The following PCYT1B variants were observed in gnomAD, a reference collection of about 807,000 sequenced individuals.
PCYT1B encodes the protein phosphate cytidylyltransferase 1B, choline, also known as choline-phosphate cytidylyltransferase B.
PCYT1B carries 10 observed loss-of-function variants against 26.4 expected under a neutral mutation model. The observed-to-expected ratio is 0.38, with a 90% CI of 0.23 to 0.64. The LOEUF is 0.64. Ranked by LOEUF, PCYT1B falls within the 30% of genes least tolerant of loss-of-function variation. PCYT1B has a pLI of 0.56. For missense variants in PCYT1B, 161 were observed against 292.7 expected, an observed-to-expected ratio of 0.55 and a Z score of 3.28; for synonymous variants, 131 against 108.4, an observed-to-expected ratio of 1.21 and a Z score of -1.29.
intron 1 of PCYT1B, among the ~76,000 whole-genome samples, chrX:24,666,729 A>T (rs1389561514): frequency 1.8e-5 from 2 of 111,040 alleles, no homozygotes; most frequent in African/African-American, 6.6e-5. Flanking sequence ...TGATATAAAA[A>T]ATATATTTCA....
At chrX:24,642,671 G>C (rs1926502807) in intron 1 of PCYT1B, among the ~76,000 whole-genome samples, 1 of 111,860 alleles carries the variant, frequency 8.9e-6, no homozygotes, top group Non-Finnish European at 1.9e-5. Flanking sequence ...AATAACCTTA[G>C]GCAGAATTCC....
chrX:24,617,379 T>TTG (rs200859622), intron 2 of PCYT1B, among the ~76,000 whole-genome samples: 1,941 of 106,410 alleles, frequency 0.018, 47 homozygotes, highest in African/African-American at 0.063. Flanking sequence ...TTGTTTTTTT[T>TTG]TTTGTTTGTT....
At chrX:24,647,358 G>C, upstream of PCYT1B, 1 of 840,947 alleles carries the variant, frequency 1.2e-6, no homozygotes. Flanking sequence ...GAAGCGGCTG[G>C]TGCGGGATAC....
chrX:24,648,391 A>G (rs1926691490), upstream of PCYT1B, among the ~76,000 whole-genome samples: 1 of 102,024 alleles, frequency 9.8e-6, no homozygotes, highest in African/African-American at 3.7e-5. Context: ...TGTTATCCTC[A>G]TTTTACAGGT....
Position 24,612,422 on chromosome X carries a change from C to T in PCYT1B, c.218-4561G>A, listed in dbSNP as rs1050840310. Reference sequence around the variant, plus strand: ...TTGTATCTAGAATATATAAAGAACTCTCAAACCTCAGTAAGATGAACAACC... The same window carrying T: ...TTGTATCTAGAATATATAAAGAACTTTCAAACCTCAGTAAGATGAACAACC... On this transcript the variant is annotated intron_variant, in intron 2 of 7. Transcript: ENST00000379144. Among the ~76,000 whole-genome samples, 4 of 111,947 alleles carry T rather than the reference C, an allele frequency of 3.6e-5. No individual in the cohort carries two copies. The South Asian group carries it at 1.5e-3, about 42-fold the overall frequency.
chrX:24,645,326 G>A (rs1275196563), intron 1 of PCYT1B, among the ~76,000 whole-genome samples: 1 of 109,972 alleles, frequency 9.1e-6, no homozygotes, highest in Non-Finnish European at 1.9e-5. Context: ...GGGTAAGCAT[G>A]GGCACAAATA....
chrX:24,589,906 G>T, intron 4 of PCYT1B, 117 bp downstream of exon 4: 1 of 595,479 alleles, frequency 1.7e-6, no homozygotes, highest in Non-Finnish European at 2.6e-6. Context: ...CCACATGACA[G>T]TTCCTGAAGT....
chrX:24,670,522 T>C (rs1272809969), intron 1 of PCYT1B, among the ~76,000 whole-genome samples: 1 of 112,123 alleles, frequency 8.9e-6, no homozygotes, highest in East Asian at 2.8e-4. Context: ...AAGTTGAGCC[T>C]GCCTGTGTGA....
intron 1 of PCYT1B, among the ~76,000 whole-genome samples, chrX:24,634,409 T>C (rs1012834714): frequency 1.8e-5 from 2 of 112,472 alleles, no homozygotes; most frequent in Non-Finnish European, 3.7e-5. Flanking sequence ...TTATATTATC[T>C]AGTTTTAACT....
chrX:24,616,254 A>ATTG (rs1569248437), intron 2 of PCYT1B, among the ~76,000 whole-genome samples: 1 of 53,098 alleles, frequency 1.9e-5, no homozygotes, highest in Non-Finnish European at 3.2e-5. Context: ...TTTTTTTTTA[A>ATTG]AAAAACAGAG....
At chrX:24,658,415 C>T (rs780958881) in intron 1 of PCYT1B, among the ~76,000 whole-genome samples, 1 of 108,934 alleles carries the variant, frequency 9.2e-6, no homozygotes, top group African/African-American at 3.3e-5. Flanking sequence ...GGACCAGGGT[C>T]AGAAGTCTGA....
chrX:24,591,454 T>C (rs1924563948), intron 3 of PCYT1B, among the ~76,000 whole-genome samples: 1 of 110,850 alleles, frequency 9.0e-6, no homozygotes, highest in Non-Finnish European at 1.9e-5. Context: ...GACAGAATCT[T>C]GTTCTGTCAC....
At chrX:24,582,273 T>C (rs1924231367) in intron 5 of PCYT1B, among the ~76,000 whole-genome samples, 1 of 112,383 alleles carries the variant, frequency 8.9e-6, no homozygotes. Context: ...TAGCAAGTCA[T>C]GTAAGACATT....
chrX:24,636,577 C>T (rs1331394818), intron 1 of PCYT1B, among the ~76,000 whole-genome samples: 1 of 112,299 alleles, frequency 8.9e-6, no homozygotes, highest in South Asian at 3.7e-4. Flanking sequence ...TGCACGATTG[C>T]ACTCCAGCCT....
At chrX:24,604,982 C>T (rs1925079498) in intron 3 of PCYT1B, among the ~76,000 whole-genome samples, 1 of 111,137 alleles carries the variant, frequency 9.0e-6, no homozygotes, top group African/African-American at 3.3e-5. Context: ...ACACAGTGAC[C>T]CTCTGAAACA....
chrX:24,623,364 C>CAT (rs57642734), intron 1 of PCYT1B, among the ~76,000 whole-genome samples: 1,321 of 79,535 alleles, frequency 0.017, 26 homozygotes, highest in Middle Eastern at 0.029. Flanking sequence ...ATGAGATTTA[C>CAT]ATATATATAT....
At chrX:24,589,090 TC>T (rs1362594685) in intron 4 of PCYT1B, among the ~76,000 whole-genome samples, 2 of 111,067 alleles carry the variant, frequency 1.8e-5, no homozygotes, top group Non-Finnish European at 1.9e-5. Flanking sequence ...ATTATAAGTA[TC>T]CCCCATAATG....
upstream of PCYT1B, chrX:24,647,425 G>T: frequency 8.1e-6 from 2 of 247,309 alleles, no homozygotes; most frequent in Non-Finnish European, 1.1e-5. Flanking sequence ...GTACCACTCC[G>T]CCGGGAAGCG....
chrX:24,614,274 T>A (rs1029246278), intron 2 of PCYT1B, among the ~76,000 whole-genome samples: 2 of 112,454 alleles, frequency 1.8e-5, no homozygotes, highest in Admixed American at 9.5e-5. Flanking sequence ...AGTTTGTCAT[T>A]ACCTCTTCTA....
Sources: gnomAD v4.1 joint callset for allele counts (sites outside exome capture counted in the v4.1 genomes callset) on GRCh38, gnomAD v4.1.1 for gene constraint, MANE v1.5 for transcripts, NCBI Gene and HGNC (gene_info 2026-07-23, HGNC 2026-07-21) for gene names.